AUTS2: variants seen among roughly 807,000 people sequenced by gnomAD.
The protein encoded by AUTS2 is autism susceptibility gene 2 protein.
Under a neutral mutation model 112.4 loss-of-function variants are expected in AUTS2, and 17 were observed. That is an observed-to-expected ratio of 0.15 (90% CI 0.10 to 0.23). AUTS2 has a LOEUF of 0.23. Ranked by LOEUF, AUTS2 falls within the 10% of genes least tolerant of loss-of-function variation. The pLI is 1.00. For missense variants in AUTS2, 1,510 were observed against 1,701.6 expected (o/e 0.89, Z 1.98); for synonymous variants, 751 against 702.7 (o/e 1.07, Z -1.09).
chr7:70,740,782 G>A (rs1788057869), intron 6 of AUTS2, among the ~76,000 whole-genome samples: 1 of 152,146 alleles, frequency 6.6e-6, no homozygotes, highest in African/African-American at 2.4e-5. Context: ...GCTAGATGCT[G>A]TTTTGCAGCC....
At chr7:69,687,662 TC>T (rs1226819616) in intron 1 of AUTS2, among the ~76,000 whole-genome samples, 2 of 152,198 alleles carry the variant, frequency 1.3e-5, no homozygotes, top group African/African-American at 4.8e-5. Context: ...AGGATTAAGA[TC>T]CAGGAGACTA....
chr7:70,067,788 G>A (rs1802563141), intron 2 of AUTS2, among the ~76,000 whole-genome samples: 1 of 151,902 alleles, frequency 6.6e-6, no homozygotes, highest in Non-Finnish European at 1.5e-5. Flanking sequence ...GGGAGATTGA[G>A]GCTAAAGTGA....
chr7:70,389,341 A>C (rs1300103120), intron 4 of AUTS2, among the ~76,000 whole-genome samples: 1 of 152,178 alleles, frequency 6.6e-6, no homozygotes. Context: ...TGCCAGCCCA[A>C]TGGGGAAAAA....
At chr7:69,933,060 G>T (rs1796282379) in intron 2 of AUTS2, among the ~76,000 whole-genome samples, 1 of 152,132 alleles carries the variant, frequency 6.6e-6, no homozygotes, top group East Asian at 1.9e-4. Context: ...TGGTTACACT[G>T]GTGTGTTCAG....
intron 4 of AUTS2, among the ~76,000 whole-genome samples, chr7:70,335,756 C>A (rs1250747590): frequency 6.6e-6 from 1 of 152,164 alleles, no homozygotes; most frequent in Non-Finnish European, 1.5e-5. Context: ...TAAGTTTTTT[C>A]CAACAGCAGG....
chr7:70,354,338 T>C (rs1043907380), intron 4 of AUTS2, among the ~76,000 whole-genome samples: 1 of 152,224 alleles, frequency 6.6e-6, no homozygotes, highest in African/African-American at 2.4e-5. Context: ...CTAATAGCTT[T>C]CGTAAAACAT....
chr7:70,789,359 A>G (rs1791723753), intron 18 of AUTS2, among the ~76,000 whole-genome samples: 1 of 152,200 alleles, frequency 6.6e-6, no homozygotes, highest in African/African-American at 2.4e-5. Flanking sequence ...GATTCTTTAC[A>G]CTAGATGATC....
intron 4 of AUTS2, among the ~76,000 whole-genome samples, chr7:70,315,705 TC>T (rs1789962030): frequency 6.6e-6 from 1 of 152,174 alleles, no homozygotes; most frequent in African/African-American, 2.4e-5. Context: ...AGCACAGATG[TC>T]CATTTGACCT....
chr7:69,612,471 T>C (rs537838075), intron 1 of AUTS2, among the ~76,000 whole-genome samples: 1 of 152,306 alleles, frequency 6.6e-6, no homozygotes, highest in Non-Finnish European at 1.5e-5. Context: ...TAAAACTTTT[T>C]TTTTTTTAGA....
At chr7:70,642,387 T>G (rs1805881203) in intron 5 of AUTS2, among the ~76,000 whole-genome samples, 1 of 56,980 alleles carries the variant, frequency 1.8e-5, no homozygotes, top group African/African-American at 6.2e-5. Flanking sequence ...ATAAGTCTTT[T>G]TCTATCCTTC....
Position 70,624,783 on chromosome 7 carries a change from G to A in AUTS2, c.691-73786G>A, listed in dbSNP as rs76340148. Among the ~76,000 whole-genome samples, 259 of 152,346 alleles carry A rather than the reference G, an allele frequency of 1.7e-3. 3 individuals carry two copies. The highest frequency in any genetic ancestry group is 0.011 in the East Asian group (55 of 5,184). Reference sequence around the variant, plus strand: ...CTCTCAGATTTAGTCAGATGACAAAGGCAGCACTGGCTTCCCTGGGGTGTA... The same window carrying A: ...CTCTCAGATTTAGTCAGATGACAAAAGCAGCACTGGCTTCCCTGGGGTGTA... On this transcript the variant is annotated intron_variant, in intron 5 of 18. Transcript: ENST00000342771.
chr7:70,720,513 T>C (rs1356068368), intron 6 of AUTS2, among the ~76,000 whole-genome samples: 2 of 152,184 alleles, frequency 1.3e-5, no homozygotes, highest in African/African-American at 2.4e-5. Flanking sequence ...CAAAGTGTTA[T>C]GGAGAGGAAA....
At chr7:70,044,953 G>T (rs1399273341) in intron 2 of AUTS2, among the ~76,000 whole-genome samples, 1 of 150,256 alleles carries the variant, frequency 6.7e-6, no homozygotes, top group Admixed American at 6.6e-5. Flanking sequence ...TTTTAACTTA[G>T]CTCTTTTTTT....
intron 1 of AUTS2, among the ~76,000 whole-genome samples, chr7:69,683,130 T>A (rs1394700519): frequency 6.6e-6 from 1 of 152,190 alleles, no homozygotes; most frequent in East Asian, 1.9e-4. Context: ...GGTATCTGAT[T>A]TGTATAGGGC....
At chr7:69,980,418 C>T (rs1466073896) in intron 2 of AUTS2, among the ~76,000 whole-genome samples, 1 of 152,086 alleles carries the variant, frequency 6.6e-6, no homozygotes, top group Admixed American at 6.6e-5. Flanking sequence ...ATTTTTGGAA[C>T]CTCATTTGTA....
intron 1 of AUTS2, among the ~76,000 whole-genome samples, chr7:69,826,719 G>A (rs1791263699): frequency 1.3e-5 from 2 of 152,162 alleles, no homozygotes; most frequent in African/African-American, 4.8e-5. Context: ...GTGAATATTT[G>A]TGTGTGGTAT....
At chr7:70,533,067 T>A (rs1195272395) in intron 5 of AUTS2, among the ~76,000 whole-genome samples, 1 of 152,198 alleles carries the variant, frequency 6.6e-6, no homozygotes, top group Admixed American at 6.5e-5. Context: ...CTCAGCATTT[T>A]ACTGTCTTCA....
At position 69,934,042 on chromosome 7, in the gene AUTS2, T is replaced by C. The variant is rs145941683; in HGVS notation, c.522+34544T>C. Among the ~76,000 whole-genome samples the C allele has an allele frequency of 2.5e-3, 376 of 152,360 alleles. 2 individuals carry two copies. The highest frequency in any genetic ancestry group is 8.5e-3 in the African/African-American group (355 of 41,582). On this transcript the variant is annotated intron_variant, in intron 2 of 18. Coordinates refer to ENST00000342771, the MANE Select transcript of AUTS2 (RefSeq NM_015570.4). ...GTCTAGTTTAGAGATTTATTATTTT[T>C]ATTGTTTAGACTTAAAAGGAAAACA...
chr7:69,951,611 G>C lies in AUTS2; in HGVS notation c.522+52113G>C, dbSNP rs184128715. 1.6e-4 allele frequency among the ~76,000 whole-genome samples: 24 copies of C among 152,266 alleles called. 1 individual carries two copies. In the East Asian group the frequency reaches 4.2e-3, roughly 27 times the overall value. Reference sequence around the variant, plus strand: ...TAAGGCTGTTTGAGAAACAGCCTGTGGGATAATGAACACTTTTATGCTTTT... The same window carrying C: ...TAAGGCTGTTTGAGAAACAGCCTGTCGGATAATGAACACTTTTATGCTTTT... On this transcript the variant is annotated intron_variant, in intron 2 of 18. Coordinates refer to ENST00000342771, the MANE Select transcript of AUTS2 (RefSeq NM_015570.4).
Sources: gnomAD v4.1 joint callset for allele counts (sites outside exome capture counted in the v4.1 genomes callset) on GRCh38, gnomAD v4.1.1 for gene constraint, MANE v1.5 for transcripts, NCBI Gene and HGNC (gene_info 2026-07-23, HGNC 2026-07-21) for gene names.